Variants in VWA3A observed in about 807,000 individuals in gnomAD.
VWA3A encodes the protein von Willebrand factor A domain containing 3A, also known as von Willebrand factor A domain-containing protein 3A.
In VWA3A, 134 loss-of-function variants were observed where a neutral mutation model predicts 160.4. That is an observed-to-expected ratio of 0.84 (90% confidence interval 0.73 to 0.96). The LOEUF is 0.96. Among genes scored for constraint, VWA3A ranks in the 40% least tolerant of loss-of-function variants. The pLI is 0.00. For missense variants in VWA3A, 1,310 were observed against 1,447.9 expected, an observed-to-expected ratio of 0.90 and a Z score of 1.55; for synonymous variants, 476 against 543.4, an observed-to-expected ratio of 0.88 and a Z score of 1.72.
chr16:22,105,009 G>T (rs931527989), intron 6 of VWA3A, among the ~76,000 whole-genome samples: 1 of 152,058 alleles, frequency 6.6e-6, no homozygotes, highest in Admixed American at 6.6e-5. Context: ...TGCTAAGCCT[G>T]CCTGTCCCGC....
chr16:22,102,681 G>A (rs562012113), intron 5 of VWA3A, among the ~76,000 whole-genome samples: 3 of 152,136 alleles, frequency 2.0e-5, no homozygotes, highest in Non-Finnish European at 2.9e-5. Context: ...CAGTAGAAAC[G>A]ATTGCTTAAC....
Position 22,148,208 on chromosome 16 carries a change from A to G in VWA3A, c.2886A>G (p.Ile962Met), listed in dbSNP as rs764801206. The change falls in exon 28 of 34, where the codon ATA becomes ATG. Residue 962 changes from isoleucine (I) to methionine (M), a missense_variant. Ile to Met is a conservative substitution (Grantham distance 10, BLOSUM62 1). Coordinates refer to ENST00000389398, the MANE Select transcript of VWA3A (RefSeq NM_173615.5). ...FGTVLESKVCILLDTSGSMGP... is the reference protein window; with the variant it reads ...FGTVLESKVCMLLDTSGSMGP... The stretch of plus-strand genomic sequence containing the variant: ...CCGTTTTGGAGAGCAAAGTATGCAT[A>G]TTGCTGGACACGTCAGGGTCCATGG... 6.2e-7 allele frequency: 1 copy of G among 1,602,796 alleles called. No individual in the cohort carries two copies. Among genetic ancestry groups the G allele is most frequent in the Admixed American group, 1.7e-5 (1 of 58,232 alleles).
At chr16:22,149,630 C>A (rs2046312526) in intron 28 of VWA3A, among the ~76,000 whole-genome samples, 157 bp from the exon 29 acceptor site, 1 of 152,196 alleles carries the variant, frequency 6.6e-6, no homozygotes, top group South Asian at 2.1e-4. Context: ...CAGCCCTCTC[C>A]CTGAGGGGCC....
Position 22,120,986 on chromosome 16 carries a change from A to G in VWA3A, c.1135A>G (p.Asn379Asp). The change falls in exon 13 of 34, where the codon AAT becomes GAT. Residue 379 changes from asparagine to aspartate, a missense_variant. Physicochemically the swap from Asn to Asp is conservative, Grantham distance 23. Coordinates refer to ENST00000389398, the MANE Select transcript of VWA3A (RefSeq NM_173615.5). ...AACTTAGATTTCCACAGAGATTACA[A>G]ATGGGCCACTCATAAGCCTCTTGCC... ...TMEEISTEIT[N>D]GPLISLLPKP... The G allele has an allele frequency of 6.2e-7, 1 of 1,613,986 alleles. No individual in the cohort carries two copies. The highest frequency in any genetic ancestry group is 8.5e-7 in the Non-Finnish European group (1 of 1,179,886).
At chr16:22,116,344 AAAAAG>A (rs1022951078) in intron 9 of VWA3A, 4 of 423,612 alleles carry the variant, frequency 9.4e-6, no homozygotes, top group African/African-American at 6.8e-5. Context: ...GAGAGAAAGA[AAAAAG>A]AAAAGGAAGG....
chr16:22,094,731 C>T (rs977245041), intron 1 of VWA3A, among the ~76,000 whole-genome samples: 3 of 152,060 alleles, frequency 2.0e-5, no homozygotes, highest in Non-Finnish European at 4.4e-5. Context: ...TTTGGGAGGC[C>T]AAGGCAAGTG....
At position 22,141,579 on chromosome 16, in the gene VWA3A, C is replaced by T. The variant is rs748565927; in HGVS notation, c.2384-3C>T. 11 of 1,606,520 alleles carry T rather than the reference C, an allele frequency of 6.8e-6. No individual in the cohort carries two copies. Among genetic ancestry groups the T allele is most frequent in the South Asian group, 2.2e-5 (2 of 89,430 alleles). ...TCCAGCCAACAAGCCAAATGTTCCTCAGCTGCGGCCCAGCCAACGAAAGAA... is the reference window on the plus strand; with the variant it reads ...TCCAGCCAACAAGCCAAATGTTCCTTAGCTGCGGCCCAGCCAACGAAAGAA... On this transcript the variant is annotated splice_polypyrimidine_tract_variant and splice_region_variant and intron_variant, in intron 23 of 33. Transcript: ENST00000389398.
rs750727699 is a variant in VWA3A, at chr16:22,134,423, C to T, written c.2124C>T (p.Leu708=). Residue 708 remains leucine, a synonymous_variant, in exon 21 of 34, where the codon CTC becomes CTT. Coordinates refer to ENST00000389398, the MANE Select transcript of VWA3A (RefSeq NM_173615.5). The part of the protein sequence containing the change: ...NSIMSEMEKA[L]NYSQKCAFLM... ...TCATGTCTGAGATGGAAAAGGCTCT[C>T]AACTACTCCCAAAAGGTATGCCCTG... is the stretch of plus-strand genomic sequence containing the variant. The T allele has an allele frequency of 2.5e-6, 4 of 1,593,072 alleles. No homozygotes were observed. Among genetic ancestry groups the T allele is most frequent in the Non-Finnish European group, 3.4e-6 (4 of 1,169,124 alleles).
intron 1 of VWA3A, 117 bp from the exon 2 acceptor site, chr16:22,096,742 C>T: frequency 1.4e-6 from 1 of 708,874 alleles, no homozygotes; most frequent in Non-Finnish European, 2.4e-6. Flanking sequence ...GAGACCCTAT[C>T]TCAAAAAAAA....
chr16:22,116,336 G>A (rs1598061126), intron 9 of VWA3A: 1 of 424,162 alleles, frequency 2.4e-6, no homozygotes, highest in Admixed American at 2.7e-5. Flanking sequence ...ATGGAAGAGA[G>A]AGAAAGAAAA....
At chr16:22,112,991 C>G (rs925851370) in intron 8 of VWA3A, among the ~76,000 whole-genome samples, 1 of 152,184 alleles carries the variant, frequency 6.6e-6, no homozygotes, top group Non-Finnish European at 1.5e-5. Context: ...CTGGCTAGTG[C>G]CAGGTACTCA....
At position 22,121,420 on chromosome 16, in the gene VWA3A, G is replaced by A. The variant is rs2045731800; in HGVS notation, c.1253-94G>A. 4 of 1,045,552 alleles carry A rather than the reference G, an allele frequency of 3.8e-6. No individual in the cohort carries two copies. In the South Asian group the frequency reaches 5.3e-5, roughly 14 times the overall value. 64.8% of individuals were successfully genotyped at this position (1,045,552 alleles called of 1,614,324 possible). A position where few individuals can be genotyped will look rare whatever the true frequency, so the allele number is the denominator to read the frequency against. On this transcript the variant is annotated intron_variant, in intron 13 of 33. Transcript: ENST00000389398. ...GATTGTGCCACTGCACTCTAGCCTG[G>A]GTGACAGAGCAAAACCCTGTCTCAA... is the stretch of plus-strand genomic sequence containing the variant.
At chr16:22,132,028 C>T (rs907424676) in intron 19 of VWA3A, among the ~76,000 whole-genome samples, 6 of 151,826 alleles carry the variant, frequency 4.0e-5, no homozygotes, top group African/African-American at 4.8e-5. Context: ...CCCAGGTGCT[C>T]GAGACCAGCC....
intron 13 of VWA3A, 85 bp downstream of exon 13, chr16:22,121,188 G>A: frequency 6.3e-7 from 1 of 1,583,292 alleles, no homozygotes; most frequent in Non-Finnish European, 8.6e-7. Context: ...GCTCACACCT[G>A]CAATCCCAGC....
At chr16:22,116,696 C>A in intron 9 of VWA3A, 63 bp from the exon 10 acceptor site, 1 of 1,316,516 alleles carries the variant, frequency 7.6e-7, no homozygotes, top group Non-Finnish European at 1.1e-6. Flanking sequence ...TACCGTTTTG[C>A]TCTGGAATGT....
At chr16:22,105,214 C>A (rs761641537) in intron 6 of VWA3A, among the ~76,000 whole-genome samples, 1 of 152,162 alleles carries the variant, frequency 6.6e-6, no homozygotes, top group African/African-American at 2.4e-5. Context: ...GCTCTCACCC[C>A]CCGACCTCCA....
chr16:22,100,047 C>T, intron 3 of VWA3A, 147 bp from the exon 4 acceptor site: 1 of 980,272 alleles, frequency 1.0e-6, no homozygotes. Context: ...TGCACTCTAG[C>T]CTTGGTGACA....
intron 11 of VWA3A, among the ~76,000 whole-genome samples, chr16:22,118,266 G>A (rs1406855787): frequency 6.6e-6 from 1 of 152,114 alleles, no homozygotes; most frequent in African/African-American, 2.4e-5. Context: ...GAGTGACAGA[G>A]CAAGACCCTT....
intron 21 of VWA3A, among the ~76,000 whole-genome samples, chr16:22,137,155 C>T (rs904763933): frequency 8.5e-5 from 13 of 152,082 alleles, no homozygotes; most frequent in Non-Finnish European, 2.9e-5. Context: ...GTCCCATTCC[C>T]TCATCAGATA....
Sources: allele counts gnomAD v4.1 joint callset (sites outside exome capture counted in the v4.1 genomes callset), GRCh38; gene constraint gnomAD v4.1.1; transcripts MANE v1.5; gene names NCBI Gene and HGNC (gene_info 2026-07-23, HGNC 2026-07-21).